Variants in TFEC observed in about 807,000 individuals in gnomAD.
TFEC encodes transcription factor EC, also known as class E basic helix-loop-helix protein 34.
TFEC carries 31 observed loss-of-function variants against 41.6 expected under a neutral mutation model. The ratio of observed to expected loss-of-function variants is 0.74; its 90% CI spans 0.56 to 1.01. TFEC has a LOEUF of 1.01. Among genes scored for constraint, TFEC ranks in the 50% least tolerant of loss-of-function variants. The pLI is 0.00. For missense variants in TFEC, 402 were observed against 404.1 expected, an observed-to-expected ratio of 0.99 and a Z score of 0.04; for synonymous variants, 143 against 140.6, an observed-to-expected ratio of 1.02 and a Z score of -0.12.
At chr7:115,972,883 G>C (rs1191700040) in intron 3 of TFEC, among the ~76,000 whole-genome samples, 1 of 151,960 alleles carries the variant, frequency 6.6e-6, no homozygotes, top group Non-Finnish European at 1.5e-5. Flanking sequence ...GTACAAAGAA[G>C]AGAAGGCTGC....
upstream of TFEC, among the ~76,000 whole-genome samples, chr7:116,032,618 G>A (rs1260067791): frequency 6.6e-6 from 1 of 152,100 alleles, no homozygotes; most frequent in Non-Finnish European, 1.5e-5. Flanking sequence ...TCTTATAAGT[G>A]GGAGCTAAAT....
chr7:116,096,475 T>C (rs1797463553), intron 3 of TFEC, among the ~76,000 whole-genome samples: 1 of 152,212 alleles, frequency 6.6e-6, no homozygotes, highest in Admixed American at 6.5e-5. Flanking sequence ...CAATATGTGG[T>C]ATTTTCATTG....
intron 1 of TFEC, among the ~76,000 whole-genome samples, chr7:116,136,039 C>T (rs1404223009): frequency 6.6e-6 from 1 of 152,022 alleles, no homozygotes; most frequent in East Asian, 1.9e-4. Context: ...CATTTATTTT[C>T]CATACCTCTA....
intron 1 of TFEC, among the ~76,000 whole-genome samples, chr7:115,985,394 T>C (rs892741867): frequency 2.6e-5 from 4 of 152,170 alleles, no homozygotes; most frequent in African/African-American, 9.6e-5. Context: ...CAGTAGTCTT[T>C]ATATTTACTG....
At chr7:116,001,546 CAAAA>C (rs927494723) in intron 1 of TFEC, among the ~76,000 whole-genome samples, 3 of 149,190 alleles carry the variant, frequency 2.0e-5, no homozygotes, top group African/African-American at 7.4e-5. Flanking sequence ...AACAAACAAA[CAAAA>C]AAAACATTGG....
At chr7:116,139,073 T>C (rs1026884999) in intron 1 of TFEC, among the ~76,000 whole-genome samples, 3 of 152,108 alleles carry the variant, frequency 2.0e-5, no homozygotes, top group Non-Finnish European at 1.5e-5. Flanking sequence ...CCGTGGCAGA[T>C]TGCTGCACTA....
At chr7:116,027,405 A>AC (rs976700905) in intron 1 of TFEC, among the ~76,000 whole-genome samples, 3 of 151,812 alleles carry the variant, frequency 2.0e-5, no homozygotes, top group East Asian at 3.9e-4. Flanking sequence ...ACATGGCGAG[A>AC]CCCCCCATCT....
At chr7:116,087,964 C>A in intron 3 of TFEC, among the ~76,000 whole-genome samples, 1 of 152,106 alleles carries the variant, frequency 6.6e-6, no homozygotes, top group Non-Finnish European at 1.5e-5. Flanking sequence ...TGCCATATAA[C>A]AATCTTTCAG....
intron 3 of TFEC, among the ~76,000 whole-genome samples, chr7:116,086,776 T>C (rs748675857): frequency 3.9e-5 from 6 of 151,906 alleles, no homozygotes; most frequent in Non-Finnish European, 5.9e-5. Flanking sequence ...AAAACTCTTT[T>C]CCACTATTTG....
intron 4 of TFEC, among the ~76,000 whole-genome samples, chr7:115,956,220 C>T (rs562340971): frequency 1.2e-3 from 180 of 151,870 alleles, no homozygotes; most frequent in African/African-American, 3.9e-3. Flanking sequence ...GTGAGTCTAT[C>T]ATGAAATCCA....
chr7:116,104,519 G>C (rs1201721637), intron 3 of TFEC, among the ~76,000 whole-genome samples: 2 of 152,144 alleles, frequency 1.3e-5, no homozygotes, highest in African/African-American at 4.8e-5. Context: ...ATTTGCTCAA[G>C]TCCGAACCAT....
chr7:116,046,102 G>A (rs1301254112), intron 3 of TFEC, among the ~76,000 whole-genome samples: 1 of 152,102 alleles, frequency 6.6e-6, no homozygotes, highest in Non-Finnish European at 1.5e-5. Flanking sequence ...AGGCAGAAGG[G>A]ACTTGCCTTG....
intron 4 of TFEC, among the ~76,000 whole-genome samples, chr7:115,954,872 C>T (rs1427676934): frequency 1.3e-5 from 2 of 151,966 alleles, no homozygotes. Context: ...TTTTCTGGCC[C>T]TCCATTTAAT....
At chr7:116,037,229 T>C (rs1463248055) in intron 3 of TFEC, among the ~76,000 whole-genome samples, 1 of 152,056 alleles carries the variant, frequency 6.6e-6, no homozygotes, top group Non-Finnish European at 1.5e-5. Flanking sequence ...TCTTTATGCC[T>C]ACAACAATGT....
chr7:115,958,710 G>T (rs2402019), intron 3 of TFEC, among the ~76,000 whole-genome samples: 129,607 of 151,856 alleles, frequency 0.85, 55,468 homozygotes, highest in Non-Finnish European at 0.89. Flanking sequence ...AATCTAATCC[G>T]GCTGAACTGT....
chr7:116,150,448 G>A (rs1798737135), intron 1 of TFEC, among the ~76,000 whole-genome samples: 1 of 152,152 alleles, frequency 6.6e-6, no homozygotes, highest in Admixed American at 6.5e-5. Flanking sequence ...TTGAATACAT[G>A]TATCAACACT....
At chr7:115,994,652 T>C (rs953252895) in intron 1 of TFEC, among the ~76,000 whole-genome samples, 1 of 152,084 alleles carries the variant, frequency 6.6e-6, no homozygotes, top group Non-Finnish European at 1.5e-5. Context: ...TGAGATACCA[T>C]CTCACACCAG....
intron 3 of TFEC, among the ~76,000 whole-genome samples, chr7:116,102,270 C>T (rs1797621802): frequency 2.0e-5 from 3 of 152,090 alleles, no homozygotes; most frequent in African/African-American, 7.2e-5. Context: ...TAAGGATACA[C>T]CACCCCATTT....
chr7:116,041,125 A>C (rs1359488867), intron 3 of TFEC, among the ~76,000 whole-genome samples: 1 of 152,184 alleles, frequency 6.6e-6, no homozygotes, highest in Admixed American at 6.5e-5. Context: ...TAAATAACTA[A>C]GTGTTGGTAT....
Sources: allele counts gnomAD v4.1 joint callset (sites outside exome capture counted in the v4.1 genomes callset), GRCh38; gene constraint gnomAD v4.1.1; transcripts MANE v1.5; gene names NCBI Gene and HGNC (gene_info 2026-07-23, HGNC 2026-07-21).